The following TMEM232 variants were observed in gnomAD, a reference collection of about 807,000 sequenced individuals.
TMEM232 encodes transmembrane protein 232.
In TMEM232, 80 loss-of-function variants were observed where a neutral mutation model predicts 78.8. The observed-to-expected ratio is 1.01, with a 90% CI of 0.85 to 1.22. The LOEUF (loss-of-function observed/expected upper bound fraction) is 1.22, where lower values mean the gene tolerates loss of function less well. Among genes scored for constraint, TMEM232 ranks in the 50% most tolerant of loss-of-function variants. TMEM232 has a pLI of 0.00. For missense variants in TMEM232, 881 were observed against 742.2 expected (o/e 1.19, Z -2.17); for synonymous variants, 297 against 254.3 (o/e 1.17, Z -1.60).
At chr5:110,528,923 T>A in intron 11 of TMEM232, 88 bp from the exon 12 acceptor site, 2 of 1,121,984 alleles carry the variant, frequency 1.8e-6, no homozygotes, top group Non-Finnish European at 2.3e-6. Flanking sequence ...TTAAAGTATC[T>A]TTATTTTCTT....
At chr5:110,638,489 T>G (rs1196623723) in intron 4 of TMEM232, 134 bp from the exon 5 acceptor site, 1 of 848,098 alleles carries the variant, frequency 1.2e-6, no homozygotes, top group Non-Finnish European at 1.8e-6. Context: ...ACAAATTCTC[T>G]TTGACACCTT....
At chr5:110,634,453 A>C (rs1318770598) in intron 5 of TMEM232, among the ~76,000 whole-genome samples, 1 of 152,128 alleles carries the variant, frequency 6.6e-6, no homozygotes, top group Non-Finnish European at 1.5e-5. Flanking sequence ...TAGGCAAAAA[A>C]TAAGTCTCAA....
chr5:110,543,688 A>C (rs1255972940), intron 11 of TMEM232, among the ~76,000 whole-genome samples: 2 of 152,130 alleles, frequency 1.3e-5, no homozygotes, highest in Non-Finnish European at 2.9e-5. Flanking sequence ...AGGTCAACAG[A>C]TATTAGTGCC....
At chr5:110,687,784 T>C (rs184934) in intron 1 of TMEM232, among the ~76,000 whole-genome samples, 119,774 of 151,922 alleles carry the variant, frequency 0.79, 48,739 homozygotes, top group South Asian at 0.91. Context: ...ATATTATAAA[T>C]CCTAATTGCA....
intron 5 of TMEM232, among the ~76,000 whole-genome samples, chr5:110,629,469 A>G (rs1784843368): frequency 6.6e-6 from 1 of 152,068 alleles, no homozygotes; most frequent in South Asian, 2.1e-4. Context: ...CATATTGTAT[A>G]CTGGACTTTC....
intron 1 of TMEM232, among the ~76,000 whole-genome samples, chr5:110,699,548 A>G (rs1171322090): frequency 1.3e-5 from 2 of 152,094 alleles, no homozygotes; most frequent in Non-Finnish European, 2.9e-5. Context: ...AATTAAGCAG[A>G]AAGAATGGGA....
chr5:110,497,056 T>C (rs751122990), intron 12 of TMEM232, among the ~76,000 whole-genome samples: 12 of 152,012 alleles, frequency 7.9e-5, no homozygotes, highest in Non-Finnish European at 1.8e-4. Context: ...CTTAGTTTCC[T>C]TATCTGTCAG....
chr5:110,716,567 T>C (rs1364946184), intron 1 of TMEM232, among the ~76,000 whole-genome samples: 1 of 152,134 alleles, frequency 6.6e-6, no homozygotes, highest in Non-Finnish European at 1.5e-5. Flanking sequence ...TATGAGAATC[T>C]AATGCTGCTG....
At chr5:110,719,518 C>T (rs149815803) in intron 1 of TMEM232, among the ~76,000 whole-genome samples, 104 of 152,126 alleles carry the variant, frequency 6.8e-4, no homozygotes, top group African/African-American at 2.4e-3. Context: ...ATGAGTCACA[C>T]TTTCTCGCTT....
chr5:110,466,504 C>T (rs1275215962), intron 12 of TMEM232, among the ~76,000 whole-genome samples: 4 of 152,068 alleles, frequency 2.6e-5, no homozygotes, highest in Non-Finnish European at 5.9e-5. Flanking sequence ...TTTATTTACT[C>T]AACAGAGTTA....
At chr5:110,603,186 T>A (rs1392709821) in intron 10 of TMEM232, among the ~76,000 whole-genome samples, 1 of 152,122 alleles carries the variant, frequency 6.6e-6, no homozygotes, top group Non-Finnish European at 1.5e-5. Flanking sequence ...AAATACCTAA[T>A]GCATGAGGGG....
intron 2 of TMEM232, among the ~76,000 whole-genome samples, chr5:110,656,754 C>T (rs949796304): frequency 6.6e-6 from 1 of 151,528 alleles, no homozygotes. Context: ...AGGAGAATGG[C>T]ATGAACCCAG....
At chr5:110,736,251 C>T (rs181699657) in intron 1 of TMEM232, among the ~76,000 whole-genome samples, 112 of 152,244 alleles carry the variant, frequency 7.4e-4, no homozygotes, top group African/African-American at 2.7e-3. Context: ...ATAGAGCTTT[C>T]ATAGTGCTCT....
intron 10 of TMEM232, among the ~76,000 whole-genome samples, chr5:110,585,785 C>T (rs766047750): frequency 2.0e-5 from 3 of 152,086 alleles, no homozygotes; most frequent in South Asian, 4.1e-4. Context: ...CAGCTCCCTG[C>T]GGTCTCTGAA....
intron 12 of TMEM232, among the ~76,000 whole-genome samples, chr5:110,524,826 G>A (rs770983189): frequency 1.3e-5 from 2 of 152,006 alleles, no homozygotes; most frequent in Admixed American, 6.6e-5. Flanking sequence ...ATGCTCTTAT[G>A]TTGGGTACAT....
At chr5:110,517,974 T>A (rs1487365926) in intron 12 of TMEM232, among the ~76,000 whole-genome samples, 1 of 152,244 alleles carries the variant, frequency 6.6e-6, no homozygotes, top group Admixed American at 6.5e-5. Flanking sequence ...TCCCTAACCC[T>A]GTGCACATCC....
intron 12 of TMEM232, among the ~76,000 whole-genome samples, chr5:110,455,233 A>G (rs1023607368): frequency 1.3e-5 from 2 of 152,226 alleles, no homozygotes; most frequent in African/African-American, 4.8e-5. Context: ...TAAGAAAGAT[A>G]TAATGCCAAT....
chr5:110,738,374 C>A, upstream of TMEM232: 1 of 590,442 alleles, frequency 1.7e-6, no homozygotes, highest in African/African-American at 2.0e-5. Context: ...CGACAGAAAA[C>A]TATAGTTTCT....
At chr5:110,425,132 T>C (rs1443638584) in intron 12 of TMEM232, among the ~76,000 whole-genome samples, 3 of 152,072 alleles carry the variant, frequency 2.0e-5, no homozygotes, top group African/African-American at 4.8e-5. Context: ...ACATGACATA[T>C]AGGATGATTA....
Sources: gnomAD v4.1 joint callset for allele counts (sites outside exome capture counted in the v4.1 genomes callset) on GRCh38, gnomAD v4.1.1 for gene constraint, MANE v1.5 for transcripts, NCBI Gene and HGNC (gene_info 2026-07-23, HGNC 2026-07-21) for gene names.